The following NRXN1 variants were observed in gnomAD, a reference collection of about 807,000 sequenced individuals.
NRXN1 encodes neurexin 1.
NRXN1 carries 39 observed loss-of-function variants against 150.9 expected under a neutral mutation model. That is an observed-to-expected ratio of 0.26 (90% CI 0.20 to 0.34). The LOEUF (loss-of-function observed/expected upper bound fraction) is 0.34, where lower values mean the gene tolerates loss of function less well. Ranked by LOEUF, NRXN1 falls within the 10% of genes least tolerant of loss-of-function variation. The pLI is 1.00. For missense variants in NRXN1, 1,815 were observed against 1,949.9 expected (o/e 0.93, Z 1.30); for synonymous variants, 924 against 757.0 (o/e 1.22, Z -3.62).
At chr2:50,866,246 T>C (rs536046220) in intron 5 of NRXN1, among the ~76,000 whole-genome samples, 1 of 151,954 alleles carries the variant, frequency 6.6e-6, no homozygotes, top group Non-Finnish European at 1.5e-5. Flanking sequence ...ACATTAGGGA[T>C]GATTTATATC....
intron 17 of NRXN1, among the ~76,000 whole-genome samples, chr2:50,384,592 T>G (rs1455125318): frequency 1.3e-5 from 2 of 151,412 alleles, no homozygotes; most frequent in Non-Finnish European, 2.9e-5. Context: ...GATTGTCCCC[T>G]TCTCTACTAA....
At chr2:50,824,689 T>C (rs1440596280) in intron 5 of NRXN1, among the ~76,000 whole-genome samples, 2 of 151,968 alleles carry the variant, frequency 1.3e-5, no homozygotes, top group African/African-American at 4.8e-5. Context: ...CTCTGAAAAC[T>C]CCAGGTGAAT....
chr2:50,946,645 T>C (rs1426425823), intron 2 of NRXN1, among the ~76,000 whole-genome samples: 1 of 152,168 alleles, frequency 6.6e-6, no homozygotes, highest in Non-Finnish European at 1.5e-5. Flanking sequence ...CTTTTACTTA[T>C]AAACAATTTT....
At chr2:50,447,658 T>A (rs2086552123) in intron 17 of NRXN1, among the ~76,000 whole-genome samples, 1 of 143,378 alleles carries the variant, frequency 7.0e-6, no homozygotes, top group South Asian at 2.2e-4. Flanking sequence ...CTATTAAAAA[T>A]GCATTTAGCT....
intron 17 of NRXN1, among the ~76,000 whole-genome samples, chr2:50,275,036 A>C (rs1426023529): frequency 1.3e-5 from 2 of 152,194 alleles, no homozygotes; most frequent in African/African-American, 2.4e-5. Context: ...AAAGAAACTA[A>C]GCATCATAAA....
intron 18 of NRXN1, among the ~76,000 whole-genome samples, chr2:50,112,193 T>A (rs1409188675): frequency 4.6e-5 from 7 of 152,194 alleles, no homozygotes; most frequent in Admixed American, 3.3e-4. Flanking sequence ...AGATCTCCCA[T>A]CTGTGTTGCC....
At chr2:49,965,081 C>T (rs1000050988) in intron 21 of NRXN1, among the ~76,000 whole-genome samples, 3 of 151,804 alleles carry the variant, frequency 2.0e-5, no homozygotes, top group African/African-American at 4.8e-5. Flanking sequence ...GGTTTCACCA[C>T]GTTTCCCAGG....
intron 6 of NRXN1, among the ~76,000 whole-genome samples, chr2:50,622,945 T>C (rs1680302918): frequency 6.6e-6 from 1 of 152,128 alleles, no homozygotes; most frequent in African/African-American, 2.4e-5. Context: ...GAACTGTGAC[T>C]TAATGACCCC....
chr2:51,012,710 G>C (rs1668076244), intron 2 of NRXN1, among the ~76,000 whole-genome samples: 1 of 151,970 alleles, frequency 6.6e-6, no homozygotes, highest in Admixed American at 6.6e-5. Flanking sequence ...ATGTGGTTCA[G>C]GAATTATGAA....
chr2:50,988,178 T>C (rs1440883648), intron 2 of NRXN1, among the ~76,000 whole-genome samples: 2 of 151,958 alleles, frequency 1.3e-5, no homozygotes, highest in Non-Finnish European at 2.9e-5. Flanking sequence ...ATTTACCACA[T>C]GAGTCTTGTC....
intron 5 of NRXN1, among the ~76,000 whole-genome samples, chr2:50,893,770 G>T (rs1300291737): frequency 6.6e-6 from 1 of 152,130 alleles, no homozygotes; most frequent in East Asian, 1.9e-4. Flanking sequence ...TGGTACTATA[G>T]TTATCCTTCA....
chr2:50,412,380 C>A (rs1474867811), intron 17 of NRXN1, among the ~76,000 whole-genome samples: 2 of 151,536 alleles, frequency 1.3e-5, no homozygotes, highest in African/African-American at 4.8e-5. Context: ...AGACATAATT[C>A]TCTCCCTTTT....
chr2:50,149,360 T>C (rs1203592697), intron 18 of NRXN1, among the ~76,000 whole-genome samples: 14 of 151,752 alleles, frequency 9.2e-5, no homozygotes, highest in Admixed American at 9.2e-4. Context: ...AGTGGAGATA[T>C]ATCCACACCA....
At chr2:50,984,677 G>A (rs577770853) in intron 2 of NRXN1, among the ~76,000 whole-genome samples, 2 of 152,166 alleles carry the variant, frequency 1.3e-5, no homozygotes, top group South Asian at 4.1e-4. Context: ...TGTATTAAAA[G>A]TGAAAAGTAT....
chr2:50,202,748 C>T (rs1412460086), intron 18 of NRXN1, among the ~76,000 whole-genome samples: 2 of 152,008 alleles, frequency 1.3e-5, no homozygotes, highest in South Asian at 2.1e-4. Flanking sequence ...CAAATAGCTT[C>T]AACATTTATA....
chr2:50,031,970 C>A lies in NRXN1; in HGVS notation c.4128+21301G>T, dbSNP rs184996930. Among the ~76,000 whole-genome samples, 424 of 152,046 alleles carry A rather than the reference C, an allele frequency of 2.8e-3. 11 individuals are homozygous for A. The highest frequency in any genetic ancestry group is 0.026 in the Admixed American group (395 of 15,250). The stretch of plus-strand genomic sequence containing the variant: ...GAGAAATTGGAAGACATGATTGCTC[C>A]CTACCCAATTCTGAAAAGAGTGAAT... On this transcript the variant is annotated intron_variant, in intron 21 of 22. Coordinates refer to ENST00000401669, the MANE Select transcript of NRXN1 (RefSeq NM_001330078.2).
At chr2:50,702,577 C>T (rs901177424) in intron 5 of NRXN1, among the ~76,000 whole-genome samples, 1 of 151,914 alleles carries the variant, frequency 6.6e-6, no homozygotes, top group Admixed American at 6.6e-5. Flanking sequence ...ATGCCTTGGC[C>T]GCCACATCTC....
chr2:50,033,969 G>GAA (rs61264442), intron 21 of NRXN1, among the ~76,000 whole-genome samples: 13 of 109,952 alleles, frequency 1.2e-4, no homozygotes, highest in East Asian at 5.8e-4. Context: ...TTAAAAAGTG[G>GAA]AAAAAAAAAA....
intron 21 of NRXN1, among the ~76,000 whole-genome samples, chr2:50,012,030 G>A (rs1685754374): frequency 6.6e-6 from 1 of 151,900 alleles, no homozygotes; most frequent in Non-Finnish European, 1.5e-5. Context: ...AATAGCCCAG[G>A]GTCAATATGG....
Sources: gnomAD v4.1 joint callset for allele counts (sites outside exome capture counted in the v4.1 genomes callset) on GRCh38, gnomAD v4.1.1 for gene constraint, MANE v1.5 for transcripts, NCBI Gene and HGNC (gene_info 2026-07-23, HGNC 2026-07-21) for gene names.